The following ANXA1 variants were observed in gnomAD, a reference collection of about 807,000 sequenced individuals.
ANXA1 encodes annexin A1, also known as annexin I (lipocortin I).
Under a neutral mutation model 47.9 loss-of-function variants are expected in ANXA1, and 39 were observed. The observed-to-expected ratio is 0.81, with a 90% CI of 0.63 to 1.06. The LOEUF (loss-of-function observed/expected upper bound fraction) is 1.06. Among genes scored for constraint, ANXA1 ranks in the 50% least tolerant of loss-of-function variants. The probability of loss-of-function intolerance (pLI) is 0.00; values close to 1 mark genes in which losing one functional copy is unlikely to be tolerated. For missense variants in ANXA1, 446 were observed against 422.7 expected (o/e 1.06, Z -0.48); for synonymous variants, 146 against 142.5 (o/e 1.02, Z -0.17).
At chr9:73,152,528 C>CT (rs1488083399) in intron 1 of ANXA1, among the ~76,000 whole-genome samples, 2 of 152,074 alleles carry the variant, frequency 1.3e-5, no homozygotes, top group Non-Finnish European at 2.9e-5. Flanking sequence ...CCGCTTATTA[C>CT]TTTTTTCATT....
chr9:73,154,388 A>T (rs965832732), intron 1 of ANXA1: 3 of 1,340,198 alleles, frequency 2.2e-6, no homozygotes, highest in Middle Eastern at 4.2e-4. Flanking sequence ...CTTTTTGGTC[A>T]CTAATTCCCT....
chr9:73,162,602 C>A (rs1344329879), intron 6 of ANXA1, among the ~76,000 whole-genome samples, 180 bp from the exon 7 acceptor site: 1 of 151,984 alleles, frequency 6.6e-6, no homozygotes, highest in South Asian at 2.1e-4. Flanking sequence ...TTCAATGATC[C>A]AAAAATTTAC....
intron 11 of ANXA1, chr9:73,167,772 G>T: frequency 2.1e-6 from 1 of 480,954 alleles, no homozygotes; most frequent in Non-Finnish European, 3.7e-6. Context: ...AAGTGAGCCT[G>T]TAAGTGATTT....
At position 73,160,368 on chromosome 9, in the gene ANXA1, GCCATGAAGGTAAATCGC is replaced by G; in HGVS notation, c.380_384+12del. The G allele has an allele frequency of 7.6e-6, 12 of 1,570,044 alleles. No homozygotes were observed. Among genetic ancestry groups the G allele is most frequent in the Non-Finnish European group, 1.0e-5 (12 of 1,165,956 alleles). ...ATTTGATGCTGATGAACTTCGTGCT[GCCATGAAGGTAAATCGC>G]CCAATTTGAGCAAACTCCTTTCCTC... On this transcript the variant is annotated splice_donor_variant and splice_donor_5th_base_variant and coding_sequence_variant and intron_variant, in exon 5 of 13. Coordinates refer to ENST00000257497, the MANE Select transcript of ANXA1 (RefSeq NM_000700.3). LOFTEE classifies it high-confidence loss of function.
At chr9:73,152,659 A>C (rs987048124) in intron 1 of ANXA1, among the ~76,000 whole-genome samples, 4 of 152,176 alleles carry the variant, frequency 2.6e-5, no homozygotes, top group African/African-American at 9.6e-5. Flanking sequence ...CAGATACATT[A>C]TCCTAGGGGA....
intron 11 of ANXA1, chr9:73,167,780 T>C: frequency 2.1e-6 from 1 of 465,812 alleles, no homozygotes; most frequent in Non-Finnish European, 3.8e-6. Context: ...CTGTAAGTGA[T>C]TTACGGCTCA....
Position 73,167,733 on chromosome 9 carries a change from C to T in ANXA1, c.861+178C>T, listed in dbSNP as rs927242880. 26 of 577,996 alleles carry T rather than the reference C, an allele frequency of 4.5e-5. No homozygotes were observed. In the South Asian group the frequency reaches 5.7e-4, roughly 13 times the overall value. 35.8% of individuals were successfully genotyped at this position (577,996 alleles called of 1,614,324 possible). A position where few individuals can be genotyped will look rare whatever the true frequency, so the allele number is the denominator to read the frequency against. ...TCTCAGAATAAACTTCTGTTAGATT[C>T]GGTGCTTTTTTTTACAGATGAGATT... On this transcript the variant is annotated intron_variant, in intron 11 of 12. Transcript: ENST00000257497.
chr9:73,155,491 A>AT (rs1271040544), intron 1 of ANXA1, among the ~76,000 whole-genome samples: 7 of 152,202 alleles, frequency 4.6e-5, no homozygotes, highest in African/African-American at 1.7e-4. Flanking sequence ...TATATAAAAA[A>AT]ATATATATTT....
intron 1 of ANXA1, among the ~76,000 whole-genome samples, chr9:73,154,849 G>C (rs1362256998): frequency 6.6e-6 from 1 of 152,224 alleles, no homozygotes. Context: ...GATAGAAACT[G>C]AGGATAATGA....
At chr9:73,159,769 A>G (rs1824107981) in intron 4 of ANXA1, 1 of 163,916 alleles carries the variant, frequency 6.1e-6, no homozygotes, top group Non-Finnish European at 1.3e-5. Context: ...CCTAAATTTT[A>G]TATATAATTC....
At chr9:73,165,947 C>G in intron 9 of ANXA1, 150 bp from the exon 10 acceptor site, 1 of 565,668 alleles carries the variant, frequency 1.8e-6, no homozygotes, top group Non-Finnish European at 3.1e-6. Flanking sequence ...ATGAAGTATT[C>G]ACGTTATGAT....
At chr9:73,159,226 A>C (rs1240287518) in intron 3 of ANXA1, 103 bp from the exon 4 acceptor site, 4 of 926,820 alleles carry the variant, frequency 4.3e-6, no homozygotes, top group Admixed American at 2.0e-5. Context: ...ATATTTCTTA[A>C]TTTGTTAAGA....
chr9:73,158,457 T>C, intron 1 of ANXA1, 65 bp from the exon 2 acceptor site: 1 of 1,239,912 alleles, frequency 8.1e-7, no homozygotes, highest in Non-Finnish European at 1.2e-6. Context: ...ATGTAAGAGG[T>C]GAGGAAGGAG....
At position 73,163,375 on chromosome 9, in the gene ANXA1, T is replaced by C. The variant is rs116046391; in HGVS notation, c.556-101T>C. ...TTCTAGAAATGAGTAATAGAATACC[T>C]TTTTCTCAAAAAATATTATTTATCT... On this transcript the variant is annotated intron_variant, in intron 7 of 12. Transcript: ENST00000257497. The C allele has an allele frequency of 1.1e-3, 1,324 of 1,226,482 alleles. 7 individuals carry two copies. In the African/African-American group the frequency reaches 0.016, roughly 15 times the overall value. 76.0% of individuals were successfully genotyped at this position (1,226,482 alleles called of 1,614,324 possible).
chr9:73,160,972 T>C (rs184477292), intron 6 of ANXA1, 79 bp downstream of exon 6: 1 of 923,624 alleles, frequency 1.1e-6, no homozygotes, highest in African/African-American at 1.7e-5. Flanking sequence ...TGACTGTCTA[T>C]GGTAATTATG....
intron 9 of ANXA1, chr9:73,165,559 G>C (rs1003933022): frequency 6.1e-6 from 1 of 164,786 alleles, no homozygotes; most frequent in African/African-American, 2.4e-5. Context: ...AAAACCCTCA[G>C]AGCTAAATGA....
chr9:73,169,250 A>G, intron 12 of ANXA1, 96 bp downstream of exon 12: 2 of 1,316,626 alleles, frequency 1.5e-6, no homozygotes, highest in Non-Finnish European at 2.0e-6. Flanking sequence ...CTATAAATTT[A>G]ATATGTAAGA....
chr9:73,168,866 T>C (rs937550449), intron 11 of ANXA1, 166 bp from the exon 12 acceptor site: 6 of 520,310 alleles, frequency 1.2e-5, no homozygotes, highest in Non-Finnish European at 1.9e-5. Context: ...TTCATTTCAT[T>C]ACCATTCGTG....
chr9:73,169,988 TA>T (rs557566473), intron 12 of ANXA1, 62 bp from the exon 13 acceptor site: 2,409 of 1,197,824 alleles, frequency 2.0e-3, no homozygotes, highest in South Asian at 3.6e-3. Context: ...CTTCTATAAG[TA>T]AAAAAAAATA....
Sources: allele counts gnomAD v4.1 joint callset (sites outside exome capture counted in the v4.1 genomes callset), GRCh38; gene constraint gnomAD v4.1.1; transcripts MANE v1.5; gene names NCBI Gene and HGNC (gene_info 2026-07-23, HGNC 2026-07-21).